Variants in EFHC2 observed in about 807,000 individuals in gnomAD.
EFHC2 encodes the protein EF-hand domain containing 2.
A neutral mutation model predicts 52.7 loss-of-function variants in EFHC2; 18 were observed. The ratio of observed to expected loss-of-function variants is 0.34; its 90% CI spans 0.24 to 0.51. The LOEUF (loss-of-function observed/expected upper bound fraction) is 0.51, where lower values mean the gene tolerates loss of function less well. Ranked by LOEUF, EFHC2 falls within the 20% of genes least tolerant of loss-of-function variation. The pLI, the probability that EFHC2 is intolerant of heterozygous loss-of-function variation, is 0.97. For missense variants in EFHC2, 513 were observed against 562.5 expected, an observed-to-expected ratio of 0.91 and a Z score of 0.89; for synonymous variants, 203 against 204.1, an observed-to-expected ratio of 0.99 and a Z score of 0.04.
At chrX:44,330,695 G>A (rs2038081803) in intron 1 of EFHC2, among the ~76,000 whole-genome samples, 1 of 111,530 alleles carries the variant, frequency 9.0e-6, no homozygotes, top group Admixed American at 9.6e-5. Context: ...ATAAATCTTA[G>A]TAAAAAACAA....
At chrX:44,282,261 G>A (rs943483289) in intron 2 of EFHC2, among the ~76,000 whole-genome samples, 2 of 107,885 alleles carry the variant, frequency 1.9e-5, no homozygotes, top group African/African-American at 6.8e-5. Flanking sequence ...TGAAAAACAT[G>A]AGGCAATAAG....
intron 2 of EFHC2, 72 bp downstream of exon 2, chrX:44,312,496 T>C: frequency 1.1e-6 from 1 of 908,093 alleles, no homozygotes; most frequent in Non-Finnish European, 1.5e-6. Flanking sequence ...AGACTCCTAC[T>C]TTCTCAAAAC....
At chrX:44,163,654 C>T (rs1459737289) in intron 14 of EFHC2, among the ~76,000 whole-genome samples, 1 of 111,278 alleles carries the variant, frequency 9.0e-6, no homozygotes, top group Non-Finnish European at 1.9e-5. Context: ...ATAACTGTAA[C>T]CTATTATCCT....
At chrX:44,169,157 C>T (rs2036723623) in intron 13 of EFHC2, among the ~76,000 whole-genome samples, 1 of 111,583 alleles carries the variant, frequency 9.0e-6, no homozygotes, top group Admixed American at 9.5e-5. Context: ...GTAAAAGATG[C>T]AGTAGAAGGG....
At chrX:44,177,812 T>G (rs2147279069) in intron 12 of EFHC2, among the ~76,000 whole-genome samples, 1 of 110,843 alleles carries the variant, frequency 9.0e-6, no homozygotes, top group South Asian at 3.8e-4. Context: ...CCTCCTAACA[T>G]TTTGATTTAC....
intron 1 of EFHC2, among the ~76,000 whole-genome samples, chrX:44,342,888 A>AAAAAAAAGAAAT (rs2048963131): frequency 9.4e-6 from 1 of 106,816 alleles, no homozygotes; most frequent in African/African-American, 3.4e-5. Flanking sequence ...AAAAAAAAAA[A>AAAAAAAAGAAAT]GAAATGAACC....
Position 44,248,411 on chromosome X carries a change from C to A in EFHC2, c.973-1G>T. 8.4e-7 allele frequency: 1 copy of A among 1,189,477 alleles called. No individual in the cohort carries two copies. Among genetic ancestry groups the A allele is most frequent in the African/African-American group, 1.8e-5 (1 of 56,937 alleles). On this transcript the variant is annotated splice_acceptor_variant, in intron 6 of 14. Transcript: ENST00000420999. LOFTEE classifies it high-confidence loss of function. ...AAAACTCTTGGTCTACTTTTCCTAG[C>A]TAAAAAAGACAAAGGAACATAGCAT... is the stretch of plus-strand genomic sequence containing the variant.
At chrX:44,200,629 A>T (rs2036999843) in intron 11 of EFHC2, among the ~76,000 whole-genome samples, 1 of 111,728 alleles carries the variant, frequency 9.0e-6, no homozygotes, top group Non-Finnish European at 1.9e-5. Context: ...AAAGACATGG[A>T]GAAAAAAGAG....
chrX:44,322,330 G>A (rs777309142), intron 1 of EFHC2, among the ~76,000 whole-genome samples: 11 of 112,285 alleles, frequency 9.8e-5, no homozygotes, highest in East Asian at 5.6e-4. Context: ...ATAGGGCCTT[G>A]CACATAGTAG....
At chrX:44,155,356 A>T (rs1208734011) in intron 14 of EFHC2, among the ~76,000 whole-genome samples, 1 of 112,320 alleles carries the variant, frequency 8.9e-6, no homozygotes, top group Non-Finnish European at 1.9e-5. Flanking sequence ...ATGGCACTGG[A>T]TGAAAACCCA....
intron 1 of EFHC2, among the ~76,000 whole-genome samples, chrX:44,330,658 A>G (rs2038081510): frequency 8.9e-6 from 1 of 112,155 alleles, no homozygotes; most frequent in African/African-American, 3.2e-5. Flanking sequence ...CAACACAGTG[A>G]GACTCTGTCT....
intron 1 of EFHC2, among the ~76,000 whole-genome samples, chrX:44,316,939 A>G: frequency 8.9e-6 from 1 of 112,144 alleles, no homozygotes; most frequent in East Asian, 2.8e-4. Flanking sequence ...TCATTACAAC[A>G]GTTACTACTG....
At chrX:44,243,185 T>C (rs1215962430) in intron 7 of EFHC2, among the ~76,000 whole-genome samples, 1 of 111,241 alleles carries the variant, frequency 9.0e-6, no homozygotes, top group Middle Eastern at 4.2e-3. Context: ...AAGGAACATA[T>C]TGACCTGGTC....
chrX:44,229,809 A>G, intron 10 of EFHC2, 30 bp from the exon 11 acceptor site: 1 of 1,187,159 alleles, frequency 8.4e-7, no homozygotes, highest in South Asian at 1.9e-5. Context: ...GGAAAAACAT[A>G]TTTAAATATT....
At chrX:44,158,925 A>T (rs2036629802) in intron 14 of EFHC2, among the ~76,000 whole-genome samples, 1 of 111,978 alleles carries the variant, frequency 8.9e-6, no homozygotes, top group Non-Finnish European at 1.9e-5. Context: ...TTGGTGGCCC[A>T]GCTGCTGGGA....
intron 1 of EFHC2, among the ~76,000 whole-genome samples, chrX:44,314,938 T>C (rs2037974185): frequency 9.0e-6 from 1 of 111,073 alleles, no homozygotes; most frequent in Non-Finnish European, 1.9e-5. Flanking sequence ...GATTTAGATA[T>C]ATAAAATGAT....
intron 13 of EFHC2, among the ~76,000 whole-genome samples, chrX:44,165,512 C>A (rs2036689981): frequency 8.9e-6 from 1 of 111,905 alleles, no homozygotes; most frequent in African/African-American, 3.2e-5. Flanking sequence ...ACCATTATTT[C>A]TTTTATTTGT....
At chrX:44,281,739 T>A (rs1468566860) in intron 2 of EFHC2, among the ~76,000 whole-genome samples, 1 of 112,284 alleles carries the variant, frequency 8.9e-6, no homozygotes, top group Non-Finnish European at 1.9e-5. Context: ...TAACAAAACA[T>A]TTTAGAAAAT....
At chrX:44,341,641 G>C (rs558635743) in intron 1 of EFHC2, among the ~76,000 whole-genome samples, 8 of 111,723 alleles carry the variant, frequency 7.2e-5, no homozygotes, top group African/African-American at 2.6e-4. Context: ...GTAGAGATGA[G>C]GTCTTACTAT....
Sources: gnomAD v4.1 joint callset for allele counts (sites outside exome capture counted in the v4.1 genomes callset) on GRCh38, gnomAD v4.1.1 for gene constraint, MANE v1.5 for transcripts, NCBI Gene and HGNC (gene_info 2026-07-23, HGNC 2026-07-21) for gene names.